The following HAL variants were observed in gnomAD, a reference collection of about 807,000 sequenced individuals.
The protein encoded by HAL is histidine ammonia-lyase, also known as histidase.
HAL carries 85 observed loss-of-function variants against 81.1 expected under a neutral mutation model. The observed-to-expected ratio is 1.05, with a 90% confidence interval of 0.88 to 1.25. HAL has a LOEUF of 1.25. HAL is among the 50% of genes most tolerant of loss of function. The pLI, the probability that HAL is intolerant of heterozygous loss-of-function variation, is 0.00. For synonymous variants in HAL, 301 were observed against 309.2 expected (o/e 0.97, Z 0.28); for missense variants, 798 against 836.6 (o/e 0.95, Z 0.57).
intron 12 of HAL, among the ~76,000 whole-genome samples, chr12:95,986,691 G>T (rs1030651957): frequency 1.3e-5 from 2 of 152,016 alleles, no homozygotes; most frequent in African/African-American, 4.8e-5. Flanking sequence ...TTCTAAATAA[G>T]CTACCAATTC....
At position 95,988,227 on chromosome 12, in the gene HAL, TG is replaced by T. The variant is rs1363171680; in HGVS notation, c.868del (p.His290MetfsTer3). The T allele has an allele frequency of 6.6e-7, 1 of 1,515,400 alleles. No homozygotes were observed. Among genetic ancestry groups the T allele is most frequent in the Admixed American group, 1.7e-5 (1 of 59,892 alleles). 93.9% of individuals were successfully genotyped at this position (1,515,400 alleles called of 1,614,324 possible). ...WADAKYVLEA[H>X]GLKPVILKPK... ...TTTTAAAATAACTGGTTTCAATCCA[TG>T]GGCTTCTAGCACCTATAGAATGATT... On this transcript the variant is annotated frameshift_variant, in exon 11 of 21. Coordinates refer to ENST00000261208, the MANE Select transcript of HAL (RefSeq NM_002108.4). LOFTEE classifies it high-confidence loss of function.
chr12:95,991,328 A>G (rs1949967854), intron 9 of HAL, among the ~76,000 whole-genome samples: 1 of 152,206 alleles, frequency 6.6e-6, no homozygotes. Context: ...ATATGAAATT[A>G]AAGGACATTC....
At chr12:95,974,886 C>T (rs1223088523) in intron 20 of HAL, among the ~76,000 whole-genome samples, 1 of 152,070 alleles carries the variant, frequency 6.6e-6, no homozygotes, top group African/African-American at 2.4e-5. Context: ...ATTACAGGTG[C>T]ATGCCACCAG....
intron 18 of HAL, among the ~76,000 whole-genome samples, chr12:95,977,526 T>C (rs1422530266): frequency 6.6e-6 from 1 of 150,482 alleles, no homozygotes; most frequent in Non-Finnish European, 1.5e-5. Context: ...GCCTGAGGTG[T>C]CAGTTACTTA....
Position 95,990,485 on chromosome 12 carries a change from C to T in HAL, c.763G>A (p.Gly255Arg). 2 of 1,612,670 alleles carry T rather than the reference C, an allele frequency of 1.2e-6. No homozygotes were observed. Among genetic ancestry groups the T allele is most frequent in the Non-Finnish European group, 1.7e-6 (2 of 1,178,680 alleles). The change falls in exon 10 of 21, where the codon GGA becomes AGA. Residue 255 changes from glycine to arginine, a missense_variant. Physicochemically the swap from Gly to Arg is moderately radical, Grantham distance 125. Coordinates refer to ENST00000261208, the MANE Select transcript of HAL (RefSeq NM_002108.4). ...VPEKGTVGAS[G>R]DLAPLSHLAL... The stretch of plus-strand genomic sequence containing the variant: ...AGATGAGAGAGTGGGGCAAGGTCTC[C>T]ACTGGCACCAACGGTTCCTTTCTCT...
chr12:95,992,644 TC>T, intron 9 of HAL, 35 bp downstream of exon 9: 1 of 1,586,670 alleles, frequency 6.3e-7, no homozygotes, highest in Non-Finnish European at 8.6e-7. Flanking sequence ...ATGTCCAGCC[TC>T]CACAGAGGTT....
rs147252912 is a variant in HAL at position 95,994,825 on chromosome 12, T to C, written c.309A>G (p.Leu103=). The C allele has an allele frequency of 5.0e-6, 8 of 1,613,912 alleles. No homozygotes were observed. The African/African-American group carries it at 5.3e-5, about 11-fold the overall frequency. Residue 103 remains leucine, a splice_region_variant and synonymous_variant, in exon 4 of 21, where the codon CTA becomes CTG. Coordinates refer to ENST00000261208, the MANE Select transcript of HAL (RefSeq NM_002108.4). The part of the protein sequence containing the change: ...FIPSQPEGVY[L]YSKYREPEKY... ...TTTCAGGCTCCCGGTACTTGCTGTA[T>C]CTGTATCCAGGTAAAGGAACATATA...
intron 14 of HAL, among the ~76,000 whole-genome samples, chr12:95,985,266 A>G (rs1481521348): frequency 1.3e-5 from 2 of 152,186 alleles, no homozygotes; most frequent in South Asian, 4.1e-4. Context: ...TTTATTACTA[A>G]GAATTTTTAA....
intron 7 of HAL, 94 bp from the exon 8 acceptor site, chr12:95,993,582 G>T: frequency 1.0e-6 from 1 of 965,838 alleles, no homozygotes. Flanking sequence ...TCAAATCCTT[G>T]GAGGGACAGA....
Position 95,987,133 on chromosome 12 carries a change from G to A in HAL, c.985C>T (p.Gln329Ter). Reference sequence around the variant, plus strand: ...GTCAGGGCTGCCACAATGTCAGCCTGCCGTGCAATAGCACTGGCTCGCTCT... The same window carrying A: ...GTCAGGGCTGCCACAATGTCAGCCTACCGTGCAATAGCACTGGCTCGCTCT... ...AVERASAIAR[Q>*]ADIVAALTLE... Residue 329 changes from glutamine (Q) to a stop codon, truncating the protein, a stop_gained, in exon 12 of 21, where the codon CAG becomes TAG. Transcript: ENST00000261208. LOFTEE classifies it high-confidence loss of function. 6.2e-7 allele frequency: 1 copy of A among 1,612,896 alleles called. No individual in the cohort carries two copies. The highest frequency in any genetic ancestry group is 1.1e-5 in the South Asian group (1 of 91,058).
chr12:95,984,369 C>A (rs1949851302), intron 14 of HAL, among the ~76,000 whole-genome samples: 1 of 152,194 alleles, frequency 6.6e-6, no homozygotes, highest in Admixed American at 6.5e-5. Context: ...GAGACAATAG[C>A]ACTTATGGCT....
In HAL at chr12:95,995,325, A is replaced by C. The variant is rs4762264; in HGVS notation, c.248-332T>G. On this transcript the variant is annotated intron_variant, in intron 2 of 20. Transcript: ENST00000261208. Reference sequence around the variant, plus strand: ...TGGGGGTGGGGGTGGATTCTTTCGAAAGGCAAAATAACCTCAAAATGATTC... The same window carrying C: ...TGGGGGTGGGGGTGGATTCTTTCGACAGGCAAAATAACCTCAAAATGATTC... The C allele has an allele frequency of 7.2e-3, 3,978 of 555,586 alleles. 18 individuals carry two copies. Among genetic ancestry groups the C allele is most frequent in the South Asian group, 0.015 (725 of 48,912 alleles). 34.4% of individuals were successfully genotyped at this position (555,586 alleles called of 1,614,324 possible).
In HAL at chr12:95,995,971, T is replaced by G; in HGVS notation, c.-61A>C. On this transcript the variant is annotated 5_prime_UTR_variant, in exon 2 of 21. Transcript: ENST00000261208. The stretch of plus-strand genomic sequence containing the variant: ...AGGAGGGGAGAGCTTTATGCAGGAG[T>G]GGCTACCGGGGTGTGGTCAGCTGGA... The G allele has an allele frequency of 6.4e-7, 1 of 1,572,338 alleles. No homozygotes were observed. The highest frequency in any genetic ancestry group is 8.6e-7 in the Non-Finnish European group (1 of 1,158,350).
chr12:95,993,124 C>T (rs937663481), intron 8 of HAL, among the ~76,000 whole-genome samples: 11 of 152,292 alleles, frequency 7.2e-5, no homozygotes, highest in African/African-American at 2.4e-4. Context: ...CTGATGGGTG[C>T]TGATTGGTGA....
At chr12:95,985,221 G>A (rs1423445840) in intron 14 of HAL, among the ~76,000 whole-genome samples, 1 of 152,074 alleles carries the variant, frequency 6.6e-6, no homozygotes, top group Non-Finnish European at 1.5e-5. Context: ...ATCTTAACAG[G>A]GAGAAACAGT....
In HAL at chr12:95,983,079, G is replaced by A. The variant is rs183234733; in HGVS notation, c.1287+832C>T. Among the ~76,000 whole-genome samples the A allele has an allele frequency of 8.8e-4, 134 of 152,298 alleles. 1 individual carries two copies. The highest frequency in any genetic ancestry group is 2.5e-3 in the African/African-American group (103 of 41,570). On this transcript the variant is annotated intron_variant, in intron 15 of 20. Coordinates refer to ENST00000261208, the MANE Select transcript of HAL (RefSeq NM_002108.4). Reference sequence around the variant, plus strand: ...AAAAGCACTAATTTGAGCAAAGTGCGCATGACAAATAAAAACTCATGATGG... The same window carrying A: ...AAAAGCACTAATTTGAGCAAAGTGCACATGACAAATAAAAACTCATGATGG...
At chr12:95,993,882 TG>T in intron 6 of HAL, 43 bp downstream of exon 6, 1 of 1,476,234 alleles carries the variant, frequency 6.8e-7, no homozygotes, top group Non-Finnish European at 9.5e-7. Context: ...CAGGGATTTT[TG>T]TTTGTTTATA....
At chr12:95,977,847 A>G in intron 18 of HAL, 97 bp downstream of exon 18, 4 of 1,305,810 alleles carry the variant, frequency 3.1e-6, no homozygotes, top group Non-Finnish European at 4.4e-6. Context: ...ACAAGTTTCC[A>G]GGTGATGCTG....
intron 17 of HAL, among the ~76,000 whole-genome samples, chr12:95,979,884 T>C (rs2080770419): frequency 6.6e-6 from 1 of 152,244 alleles, no homozygotes; most frequent in African/African-American, 2.4e-5. Flanking sequence ...TATTCATCTA[T>C]AGATAACAAT....
Sources: gnomAD v4.1 joint callset for allele counts (sites outside exome capture counted in the v4.1 genomes callset) on GRCh38, gnomAD v4.1.1 for gene constraint, MANE v1.5 for transcripts, NCBI Gene and HGNC (gene_info 2026-07-23, HGNC 2026-07-21) for gene names.